Variants in MYO9A observed in about 807,000 individuals in gnomAD.
The protein encoded by MYO9A is unconventional myosin-IXa.
MYO9A carries 103 observed loss-of-function variants against 293.3 expected under a neutral mutation model. The ratio of observed to expected loss-of-function variants is 0.35; its 90% CI spans 0.30 to 0.41. The LOEUF (loss-of-function observed/expected upper bound fraction) is 0.41, where lower values mean the gene tolerates loss of function less well. Among genes scored for constraint, MYO9A ranks in the 10% least tolerant of loss-of-function variants. The probability of loss-of-function intolerance (pLI) is 1.00; values close to 1 mark genes in which losing one functional copy is unlikely to be tolerated. For missense variants in MYO9A, 2,685 were observed against 3,033.0 expected (o/e 0.89, Z 2.69); for synonymous variants, 1,001 against 1,035.7 (o/e 0.97, Z 0.64).
chr15:71,876,060 T>C (rs1406325845), intron 31 of MYO9A, among the ~76,000 whole-genome samples: 2 of 152,138 alleles, frequency 1.3e-5, no homozygotes, highest in African/African-American at 4.8e-5. Flanking sequence ...AAGGATACTT[T>C]AGAGATTATT....
At chr15:71,875,308 A>G (rs1047876617) in intron 32 of MYO9A, among the ~76,000 whole-genome samples, 14 of 152,254 alleles carry the variant, frequency 9.2e-5, no homozygotes, top group Middle Eastern at 3.4e-3. Flanking sequence ...TTGCTTTTAC[A>G]AAGTCCTCTT....
intron 41 of MYO9A, 114 bp downstream of exon 41, chr15:71,827,767 TTTG>T (rs1187737751): frequency 8.4e-7 from 1 of 1,188,424 alleles, no homozygotes; most frequent in African/African-American, 1.6e-5. Flanking sequence ...TCCTCAAGAC[TTTG>T]TTATTGCTGA....
At chr15:72,106,839 ACAAT>A (rs2080586527) in intron 1 of MYO9A, among the ~76,000 whole-genome samples, 1 of 152,236 alleles carries the variant, frequency 6.6e-6, no homozygotes, top group Non-Finnish European at 1.5e-5. Context: ...TAAACTGGTA[ACAAT>A]CAAACTGAGA....
chr15:71,968,158 CAGAAAGATG>C (rs749629420), intron 12 of MYO9A, 33 bp from the exon 13 acceptor site: 1 of 1,514,594 alleles, frequency 6.6e-7, no homozygotes, highest in South Asian at 1.3e-5. Context: ...AATATCATTA[CAGAAAGATG>C]AGAAAGATGC....
At chr15:71,925,911 T>C (rs2058301240) in intron 18 of MYO9A, among the ~76,000 whole-genome samples, 2 of 152,218 alleles carry the variant, frequency 1.3e-5, no homozygotes, top group Admixed American at 6.5e-5. Flanking sequence ...TGAGTTTTAT[T>C]CTTTTGCATA....
At chr15:71,964,836 T>A (rs1029437465) in intron 13 of MYO9A, among the ~76,000 whole-genome samples, 2 of 151,778 alleles carry the variant, frequency 1.3e-5, no homozygotes, top group Admixed American at 1.3e-4. Context: ...AAGCCTGTAG[T>A]CCTAGCTACT....
intron 1 of MYO9A, among the ~76,000 whole-genome samples, chr15:72,102,927 A>G (rs2080407689): frequency 6.6e-6 from 1 of 151,920 alleles, no homozygotes; most frequent in Admixed American, 6.6e-5. Context: ...TTATATATAT[A>G]GGAAATCCAG....
At chr15:72,038,828 C>T (rs1054120554) in intron 2 of MYO9A, among the ~76,000 whole-genome samples, 2 of 152,134 alleles carry the variant, frequency 1.3e-5, no homozygotes, top group Non-Finnish European at 1.5e-5. Context: ...TTGTTTTGAC[C>T]TTTGTTACAG....
intron 18 of MYO9A, among the ~76,000 whole-genome samples, chr15:71,928,057 T>TATATATTATTATTA (rs1491302118): frequency 2.2e-4 from 1 of 4,506 alleles, no homozygotes. Flanking sequence ...TATATATATA[T>TATATATTATTATTA]TTTTTTTTTT....
intron 1 of MYO9A, among the ~76,000 whole-genome samples, chr15:72,089,035 GAATA>G (rs543558163): frequency 6.6e-4 from 100 of 152,264 alleles, no homozygotes; most frequent in African/African-American, 2.4e-3. Context: ...ACTCAATCAA[GAATA>G]AATTCTGAAA....
chr15:71,962,431 G>C (rs896241765), intron 13 of MYO9A, among the ~76,000 whole-genome samples: 1 of 152,062 alleles, frequency 6.6e-6, no homozygotes, highest in Non-Finnish European at 1.5e-5. Context: ...AGGAAAAACA[G>C]GAAACAAGCC....
intron 11 of MYO9A, among the ~76,000 whole-genome samples, chr15:71,983,445 A>T (rs1289891743): frequency 2.7e-5 from 4 of 148,064 alleles, no homozygotes; most frequent in African/African-American, 7.4e-5. Flanking sequence ...TTTAAACATT[A>T]AATAGTTTTT....
At chr15:72,053,209 G>A (rs1251084983) in intron 1 of MYO9A, among the ~76,000 whole-genome samples, 1 of 152,084 alleles carries the variant, frequency 6.6e-6, no homozygotes, top group South Asian at 2.1e-4. Flanking sequence ...AGACCAGCCT[G>A]GCCAACATGG....
At chr15:72,084,341 T>C (rs2079646490) in intron 1 of MYO9A, among the ~76,000 whole-genome samples, 1 of 152,198 alleles carries the variant, frequency 6.6e-6, no homozygotes, top group Non-Finnish European at 1.5e-5. Flanking sequence ...TTTATTTGCT[T>C]GGTAATTTTT....
intron 1 of MYO9A, among the ~76,000 whole-genome samples, chr15:72,079,166 C>CA (rs2079462102): frequency 6.6e-6 from 1 of 152,078 alleles, no homozygotes; most frequent in Non-Finnish European, 1.5e-5. Flanking sequence ...AAATGGACCT[C>CA]ACTTAACCAA....
chr15:71,850,167 C>A lies in MYO9A; in HGVS notation c.6582G>T (p.Arg2194Ser). The A allele has an allele frequency of 1.2e-6, 2 of 1,613,790 alleles. No individual in the cohort carries two copies. The highest frequency in any genetic ancestry group is 1.1e-5 in the South Asian group (1 of 91,072). ...GATTAGTGTCTTCCTGCAGAGCAATCCTAAGAATTAAAACAAAACAAAAAA... is the reference window on the plus strand; with the variant it reads ...GATTAGTGTCTTCCTGCAGAGCAATACTAAGAATTAAAACAAAACAAAAAA... ...TLERLIFHLV[R>S]IALQEDTNRM... Residue 2194 changes from arginine (R) to serine (S), a missense_variant and splice_region_variant, in exon 38 of 42, where the codon AGG becomes AGT. This residue lies in a region of MYO9A where 238 missense variants were observed against 269.1 expected (regional missense o/e 0.88). Transcript: ENST00000356056.
intron 39 of MYO9A, among the ~76,000 whole-genome samples, chr15:71,831,643 C>T (rs989320082): frequency 6.6e-6 from 1 of 152,160 alleles, no homozygotes; most frequent in Non-Finnish European, 1.5e-5. Context: ...TCTCAGATTG[C>T]TAATACTTTA....
Position 71,830,039 on chromosome 15 carries a change from A to G in MYO9A, c.7040+70T>C, listed in dbSNP as rs546463239. On this transcript the variant is annotated intron_variant, in intron 40 of 41. Coordinates refer to ENST00000356056, the MANE Select transcript of MYO9A (RefSeq NM_006901.4). ...CAGGAGATAATAAATAAGAAAAAAT[A>G]AAGAAACGATAGAAGGAAGGAAACA... The G allele has an allele frequency of 1.9e-5, 28 of 1,465,084 alleles. No individual in the cohort carries two copies. In the African/African-American group the frequency reaches 4.0e-4, roughly 21 times the overall value. 90.8% of individuals were successfully genotyped at this position (1,465,084 alleles called of 1,614,324 possible).
intron 18 of MYO9A, among the ~76,000 whole-genome samples, chr15:71,931,382 G>A (rs1308849252): frequency 6.6e-6 from 1 of 152,132 alleles, no homozygotes; most frequent in Non-Finnish European, 1.5e-5. Flanking sequence ...TAGTACTATG[G>A]TTGGCAGGTC....
Sources: gnomAD v4.1 joint callset for allele counts (sites outside exome capture counted in the v4.1 genomes callset) on GRCh38, gnomAD v4.1.1 for gene constraint, gnomAD v4.1.1 regional missense constraint, MANE v1.5 for transcripts, NCBI Gene and HGNC (gene_info 2026-07-23, HGNC 2026-07-21) for gene names.